MLLT10: variants seen among roughly 807,000 people sequenced by gnomAD.
MLLT10 encodes protein AF-10.
Under a neutral mutation model 129.1 loss-of-function variants are expected in MLLT10, and 30 were observed. That is an observed-to-expected ratio of 0.23 (90% CI 0.17 to 0.32). The LOEUF is 0.32. Among genes scored for constraint, MLLT10 ranks in the 10% least tolerant of loss-of-function variants. The pLI is 1.00. For missense variants in MLLT10, 1,119 were observed against 1,268.3 expected (o/e 0.88, Z 1.79); for synonymous variants, 490 against 446.4 (o/e 1.10, Z -1.23).
rs553262818 is a variant in MLLT10 at position 21,733,425 on chromosome 10, T to C, written c.2408-79T>C. On this transcript the variant is annotated intron_variant, in intron 18 of 22. Coordinates refer to ENST00000307729, the MANE Select transcript of MLLT10 (RefSeq NM_001195626.3). ...TTTTGATACGGGCTTCAGCATAAGC[T>C]TTTTAATAAGCCTTTAATCTTACAC... 5.8e-4 allele frequency: 538 copies of C among 927,678 alleles called. 3 individuals carry two copies. In the African/African-American group the frequency reaches 7.7e-3, roughly 13 times the overall value. 57.5% of individuals were successfully genotyped at this position (927,678 alleles called of 1,614,324 possible).
intron 10 of MLLT10, among the ~76,000 whole-genome samples, chr10:21,672,061 T>C (rs185599588): frequency 5.8e-4 from 89 of 152,274 alleles, no homozygotes; most frequent in African/African-American, 1.6e-3. Flanking sequence ...AGACAATTTT[T>C]AGGGGATTTA....
At chr10:21,605,027 T>G (rs545270277) in intron 5 of MLLT10, among the ~76,000 whole-genome samples, 2 of 151,746 alleles carry the variant, frequency 1.3e-5, no homozygotes, top group South Asian at 4.2e-4. Flanking sequence ...GTGTGATTAT[T>G]GCACCTGTGA....
Position 21,637,459 on chromosome 10 carries a change from T to C in MLLT10, c.700-14214T>C, listed in dbSNP as rs116427263. On this transcript the variant is annotated intron_variant, in intron 8 of 22. Coordinates refer to ENST00000307729, the MANE Select transcript of MLLT10 (RefSeq NM_001195626.3). ...TGCCAGAGGAATCTGGCGTTGTGAA[T>C]CTGTTCCTATACTTTCCAGAAACTT... is the stretch of plus-strand genomic sequence containing the variant. Among the ~76,000 whole-genome samples, 594 of 152,338 alleles carry C rather than the reference T, an allele frequency of 3.9e-3. 5 individuals are homozygous for C. The highest frequency in any genetic ancestry group is 0.014 in the African/African-American group (584 of 41,582).
At chr10:21,701,007 A>G (rs2054853198) in intron 13 of MLLT10, among the ~76,000 whole-genome samples, 1 of 151,896 alleles carries the variant, frequency 6.6e-6, no homozygotes, top group Admixed American at 6.6e-5. Context: ...CAGTCTCATT[A>G]CTCATTGTTG....
intron 8 of MLLT10, among the ~76,000 whole-genome samples, chr10:21,620,480 G>GT (rs1463006574): frequency 6.6e-6 from 1 of 152,084 alleles, no homozygotes; most frequent in Admixed American, 6.5e-5. Flanking sequence ...TGAAAATATT[G>GT]TAAGTTGAAA....
intron 5 of MLLT10, 41 bp downstream of exon 5, chr10:21,595,481 C>A: frequency 2.1e-6 from 3 of 1,459,812 alleles, no homozygotes; most frequent in Non-Finnish European, 1.9e-6. Context: ...AATATCACTA[C>A]TGGGAAGTAG....
chr10:21,728,183 T>C (rs549297049), intron 16 of MLLT10, among the ~76,000 whole-genome samples: 2 of 152,362 alleles, frequency 1.3e-5, no homozygotes, highest in Non-Finnish European at 2.9e-5. Context: ...ATTACCTGTA[T>C]ACTGATTTGA....
At chr10:21,725,986 C>T (rs550465790) in intron 14 of MLLT10, among the ~76,000 whole-genome samples, 5 of 152,038 alleles carry the variant, frequency 3.3e-5, no homozygotes, top group Non-Finnish European at 5.9e-5. Flanking sequence ...CTCCTGATCT[C>T]GTGATCTGCC....
chr10:21,553,241 A>G (rs1005926543), intron 3 of MLLT10, among the ~76,000 whole-genome samples: 3 of 152,080 alleles, frequency 2.0e-5, no homozygotes, highest in African/African-American at 7.2e-5. Flanking sequence ...TTGGTTGGAA[A>G]TCATTTTCCG....
chr10:21,569,932 G>GCTT (rs2040018812), intron 3 of MLLT10, among the ~76,000 whole-genome samples: 1 of 151,388 alleles, frequency 6.6e-6, no homozygotes, highest in Non-Finnish European at 1.5e-5. Context: ...TTCTTGAGAC[G>GCTT]GGGTGCCGCT....
intron 8 of MLLT10, among the ~76,000 whole-genome samples, chr10:21,649,021 T>A (rs2048771984): frequency 2.0e-5 from 3 of 152,164 alleles, no homozygotes; most frequent in African/African-American, 7.2e-5. Flanking sequence ...GAGATTTGGG[T>A]GAAGACACAG....
In MLLT10 at chr10:21,611,813, G is replaced by C. The variant is rs545330902; in HGVS notation, c.406-535G>C. The stretch of plus-strand genomic sequence containing the variant: ...TGTAGCCCACATATGTCAGCTTGGT[G>C]GGGCTGAATGACAGCCTACCCGTAT... On this transcript the variant is annotated intron_variant, in intron 5 of 22. Transcript: ENST00000307729. 2.6e-5 allele frequency among the ~76,000 whole-genome samples: 4 copies of C among 152,272 alleles called. No homozygotes were observed. In the East Asian group the frequency reaches 5.8e-4, roughly 22 times the overall value.
chr10:21,582,813 TATC>T (rs2041611674), intron 3 of MLLT10, among the ~76,000 whole-genome samples: 2 of 152,128 alleles, frequency 1.3e-5, no homozygotes, highest in Admixed American at 1.3e-4. Context: ...TCATTGAAAA[TATC>T]ATTACCAGTA....
chr10:21,707,744 C>T (rs1364229846), intron 13 of MLLT10, among the ~76,000 whole-genome samples: 4 of 152,222 alleles, frequency 2.6e-5, no homozygotes, highest in Non-Finnish European at 5.9e-5. Context: ...ATTCAGAACA[C>T]CTGTACATGG....
rs376339160 is a variant in MLLT10 at position 21,639,613 on chromosome 10, C to G, written c.700-12060C>G. Among the ~76,000 whole-genome samples, 42 of 152,242 alleles carry G rather than the reference C, an allele frequency of 2.8e-4. 2 individuals carry two copies. The highest frequency in any genetic ancestry group is 9.4e-4 in the African/African-American group (39 of 41,548). The stretch of plus-strand genomic sequence containing the variant: ...CCTTTGTTATACCGAGTTCACTGGA[C>G]AGGCATGACTGAAGCATGGACACCT... On this transcript the variant is annotated intron_variant, in intron 8 of 22. Coordinates refer to ENST00000307729, the MANE Select transcript of MLLT10 (RefSeq NM_001195626.3).
chr10:21,628,112 G>T (rs1487109898), intron 8 of MLLT10, among the ~76,000 whole-genome samples: 1 of 152,126 alleles, frequency 6.6e-6, no homozygotes, highest in East Asian at 1.9e-4. Flanking sequence ...AGCTTTTGCT[G>T]ATATTCTCCT....
At chr10:21,641,440 A>T (rs989594855) in intron 8 of MLLT10, among the ~76,000 whole-genome samples, 3 of 152,312 alleles carry the variant, frequency 2.0e-5, no homozygotes, top group Non-Finnish European at 2.9e-5. Flanking sequence ...CCAAAGGCAG[A>T]TTTATTTGGC....
At chr10:21,592,547 C>G (rs1438948903) in intron 4 of MLLT10, among the ~76,000 whole-genome samples, 1 of 152,110 alleles carries the variant, frequency 6.6e-6, no homozygotes. Context: ...GCTCCACCCC[C>G]CGGGGTTCAC....
At chr10:21,717,972 C>G (rs980194701) in intron 14 of MLLT10, among the ~76,000 whole-genome samples, 4 of 148,818 alleles carry the variant, frequency 2.7e-5, no homozygotes, top group African/African-American at 7.4e-5. Flanking sequence ...CTTCTTTCTT[C>G]TTTTTGAGAC....
Sources: gnomAD v4.1 joint callset for allele counts (sites outside exome capture counted in the v4.1 genomes callset) on GRCh38, gnomAD v4.1.1 for gene constraint, MANE v1.5 for transcripts, NCBI Gene and HGNC (gene_info 2026-07-23, HGNC 2026-07-21) for gene names.